Variants in RAPGEF4 observed in about 807,000 individuals in gnomAD.
RAPGEF4 encodes the protein RAP guanine-nucleotide-exchange factor (GEF) 4.
In RAPGEF4, 66 loss-of-function variants were observed where a neutral mutation model predicts 147.9. That is an observed-to-expected ratio of 0.45 (90% CI 0.37 to 0.55). The LOEUF (loss-of-function observed/expected upper bound fraction) is 0.55. Among genes scored for constraint, RAPGEF4 ranks in the 20% least tolerant of loss-of-function variants. RAPGEF4 has a pLI of 0.00. For missense variants in RAPGEF4, 1,071 were observed against 1,257.3 expected, an observed-to-expected ratio of 0.85 and a Z score of 2.24; for synonymous variants, 419 against 442.7, an observed-to-expected ratio of 0.95 and a Z score of 0.67.
chr2:172,824,866 AGGC>A, intron 4 of RAPGEF4, among the ~76,000 whole-genome samples: 1 of 152,256 alleles, frequency 6.6e-6, no homozygotes, highest in African/African-American at 2.4e-5. Flanking sequence ...GAATCGTGGG[AGGC>A]TCTCAACTAT....
intron 4 of RAPGEF4, chr2:172,894,507 T>C (rs1242276901): frequency 6.6e-6 from 1 of 152,256 alleles, no homozygotes; most frequent in Admixed American, 6.5e-5. Flanking sequence ...TCTCTTTTTA[T>C]TCTTAGGAAA....
chr2:172,776,906 T>C (rs1233999820), intron 1 of RAPGEF4, among the ~76,000 whole-genome samples: 5 of 152,224 alleles, frequency 3.3e-5, no homozygotes, highest in Non-Finnish European at 7.3e-5. Flanking sequence ...ATTTCAACAT[T>C]TCTGTAATCT....
At position 173,026,742 on chromosome 2, in the gene RAPGEF4, T is replaced by C. The variant is rs372259116; in HGVS notation, c.2379+45T>C. On this transcript the variant is annotated intron_variant, in intron 24 of 30. Transcript: ENST00000397081. ...GTGTTAGTAGCTGAGATAGCAAGGATAAAGGCTGCTGGCATTGCTTAGTTT... is the reference window on the plus strand; with the variant it reads ...GTGTTAGTAGCTGAGATAGCAAGGACAAAGGCTGCTGGCATTGCTTAGTTT... 81 of 1,603,902 alleles carry C rather than the reference T, an allele frequency of 5.1e-5. No homozygotes were observed. The African/African-American group carries it at 9.1e-4, about 18-fold the overall frequency.
At chr2:172,974,755 C>T (rs1234331459) in intron 10 of RAPGEF4, among the ~76,000 whole-genome samples, 1 of 152,166 alleles carries the variant, frequency 6.6e-6, no homozygotes, top group East Asian at 1.9e-4. Context: ...GAATGGAGTT[C>T]ACCATCTACT....
At chr2:172,786,358 T>C (rs551265018) in intron 1 of RAPGEF4, among the ~76,000 whole-genome samples, 2 of 152,310 alleles carry the variant, frequency 1.3e-5, no homozygotes, top group East Asian at 3.9e-4. Flanking sequence ...TGCCACTAGA[T>C]TGTGAGCTCC....
chr2:172,936,400 A>G (rs544895180), intron 6 of RAPGEF4, among the ~76,000 whole-genome samples: 1 of 152,304 alleles, frequency 6.6e-6, no homozygotes, highest in South Asian at 2.1e-4. Context: ...GCTACCTCCC[A>G]GAGCTCTGTG....
intron 4 of RAPGEF4, among the ~76,000 whole-genome samples, chr2:172,849,887 G>C (rs562881371): frequency 6.6e-6 from 1 of 152,214 alleles, no homozygotes; most frequent in Non-Finnish European, 1.5e-5. Flanking sequence ...GATTGTCCTT[G>C]GTCCATGTGC....
chr2:172,888,342 C>G (rs1184751820), intron 4 of RAPGEF4, among the ~76,000 whole-genome samples: 1 of 152,250 alleles, frequency 6.6e-6, no homozygotes, highest in Non-Finnish European at 1.5e-5. Context: ...ATGCCCAGCT[C>G]TCCTGTATCT....
At position 172,898,708 on chromosome 2, in the gene RAPGEF4, G is replaced by A. The variant is rs1698771972; in HGVS notation, c.445-19094G>A. Among the ~76,000 whole-genome samples the A allele has an allele frequency of 3.3e-5, 5 of 152,310 alleles. 1 individual carries two copies. In the South Asian group the frequency reaches 1.0e-3, roughly 32 times the overall value. ...AGATTCCCCTGGGTCCTGGGTCCAA[G>A]TTCAGAGTCCCTCACCTGGTTGCCC... On this transcript the variant is annotated intron_variant, in intron 4 of 30. Coordinates refer to ENST00000397081, the MANE Select transcript of RAPGEF4 (RefSeq NM_007023.4).
chr2:172,853,534 A>T (rs1370672028), intron 4 of RAPGEF4, among the ~76,000 whole-genome samples: 1 of 151,626 alleles, frequency 6.6e-6, no homozygotes, highest in Non-Finnish European at 1.5e-5. Context: ...TTTCTATTTC[A>T]TTGATTTCTG....
rs376768080 is a variant in RAPGEF4 at position 172,747,913 on chromosome 2, C to T, written c.65+11865C>T. Among the ~76,000 whole-genome samples, 20 of 152,298 alleles carry T rather than the reference C, an allele frequency of 1.3e-4. No individual in the cohort carries two copies. The East Asian group carries it at 2.3e-3, about 18-fold the overall frequency. ...GATTCTATATGTAAGTAAGATCATG[C>T]GGTATTTGTATTTCTGTGCCTGGCT... On this transcript the variant is annotated intron_variant, in intron 1 of 30. Coordinates refer to ENST00000397081, the MANE Select transcript of RAPGEF4 (RefSeq NM_007023.4).
At position 172,848,988 on chromosome 2, in the gene RAPGEF4, TAATA is replaced by T. The variant is rs148159624; in HGVS notation, c.444+34569_444+34572del. Among the ~76,000 whole-genome samples the T allele has an allele frequency of 1.4e-3, 215 of 152,310 alleles. 1 individual carries two copies. The highest frequency in any genetic ancestry group is 4.8e-3 in the African/African-American group (199 of 41,564). On this transcript the variant is annotated intron_variant, in intron 4 of 30. Transcript: ENST00000397081. Reference sequence around the variant, plus strand: ...GTGTATTATAACCATTAATCAGTGTTAATAAATAACCATCTATAGCAGAGGGCTT... The same window carrying T: ...GTGTATTATAACCATTAATCAGTGTTAATAACCATCTATAGCAGAGGGCTT...
chr2:172,803,381 G>A (rs1452545502), intron 3 of RAPGEF4, among the ~76,000 whole-genome samples: 5 of 152,194 alleles, frequency 3.3e-5, no homozygotes, highest in African/African-American at 4.8e-5. Context: ...GCCAAGGCTT[G>A]GGGCTTGCAC....
intron 3 of RAPGEF4, among the ~76,000 whole-genome samples, chr2:172,799,226 A>G (rs944733728): frequency 6.6e-6 from 1 of 152,182 alleles, no homozygotes; most frequent in South Asian, 2.1e-4. Context: ...TTTAATCCTC[A>G]AGTCAACCAT....
chr2:172,938,623 C>T (rs1475119641), intron 6 of RAPGEF4, among the ~76,000 whole-genome samples: 4 of 152,314 alleles, frequency 2.6e-5, no homozygotes, highest in East Asian at 1.9e-4. Context: ...ATTTATTATA[C>T]AGTCAAATTA....
chr2:173,017,646 G>GGTGGCCCGATTATTTAT (rs1695634469), intron 21 of RAPGEF4, 142 bp downstream of exon 21: 1 of 722,260 alleles, frequency 1.4e-6, no homozygotes, highest in Admixed American at 2.8e-5. Context: ...GGTGCCCTTT[G>GGTGGCCCGATTATTTAT]GTGGCCCGAT....
chr2:172,988,641 T>C, intron 13 of RAPGEF4, 52 bp from the exon 14 acceptor site: 1 of 1,527,418 alleles, frequency 6.5e-7, no homozygotes. Flanking sequence ...AGGTGGTGGG[T>C]GTTTGCTCTA....
rs10685817 is a variant in RAPGEF4, at chr2:172,783,775, AGT to A, written c.66-11232_66-11231del. ...GTGTATGTGCTTGTGTGTATGTGTG[AGT>A]GTGTGTGTGTGTGTGTGGTGGGAGT... On this transcript the variant is annotated intron_variant, in intron 1 of 30. Transcript: ENST00000397081. Among the ~76,000 whole-genome samples the A allele has an allele frequency of 8.1e-4, 119 of 147,596 alleles. 1 individual carries two copies. The East Asian group carries it at 9.7e-3, about 12-fold the overall frequency.
intron 29 of RAPGEF4, among the ~76,000 whole-genome samples, chr2:173,036,985 ATGT>A (rs1355134375): frequency 3.3e-5 from 5 of 152,110 alleles, no homozygotes; most frequent in African/African-American, 9.7e-5. Flanking sequence ...AGTGACTTCC[ATGT>A]TGTTGTTTTG....
Sources: allele counts gnomAD v4.1 joint callset (sites outside exome capture counted in the v4.1 genomes callset), GRCh38; gene constraint gnomAD v4.1.1; transcripts MANE v1.5; gene names NCBI Gene and HGNC (gene_info 2026-07-23, HGNC 2026-07-21).